The following PLEKHA8 variants were observed in gnomAD, a reference collection of about 807,000 sequenced individuals.
PLEKHA8 encodes pleckstrin homology domain containing A8.
PLEKHA8 carries 36 observed loss-of-function variants against 68.2 expected under a neutral mutation model. That is an observed-to-expected ratio of 0.53 (90% CI 0.40 to 0.70). The LOEUF is 0.70. Ranked by LOEUF, PLEKHA8 falls within the 30% of genes least tolerant of loss-of-function variation. The pLI is 0.00. For synonymous variants in PLEKHA8, 211 were observed against 216.1 expected, an observed-to-expected ratio of 0.98 and a Z score of 0.20; for missense variants, 505 against 615.4, an observed-to-expected ratio of 0.82 and a Z score of 1.90.
chr7:30,083,003 C>G lies in PLEKHA8; in HGVS notation c.*4216C>G. ...TTTAGTCACAGGTTTTACAAGTATT[C>G]AGCTCTCCCTCATGTTTCATTTCTT... On this transcript the variant is annotated 3_prime_UTR_variant, in exon 14 of 14. Transcript: ENST00000449726. The G allele has an allele frequency of 1.0e-6, 1 of 985,220 alleles. No homozygotes were observed. Among genetic ancestry groups the G allele is most frequent in the Non-Finnish European group, 1.2e-6 (1 of 829,774 alleles). 61.0% of individuals were successfully genotyped at this position (985,220 alleles called of 1,614,324 possible). A position where few individuals can be genotyped will look rare whatever the true frequency, so the allele number is the denominator to read the frequency against.
At chr7:30,059,380 T>C (rs879636962) in intron 9 of PLEKHA8, among the ~76,000 whole-genome samples, 5 of 152,258 alleles carry the variant, frequency 3.3e-5, no homozygotes, top group African/African-American at 7.2e-5. Context: ...ATGAGTTAAC[T>C]TCATAAAATG....
At chr7:30,048,511 T>C (rs1792143420) in intron 4 of PLEKHA8, among the ~76,000 whole-genome samples, 1 of 152,174 alleles carries the variant, frequency 6.6e-6, no homozygotes. Flanking sequence ...TCAGCAAGGA[T>C]TGTGATTTTT....
intron 5 of PLEKHA8, among the ~76,000 whole-genome samples, chr7:30,049,991 A>G (rs914324134): frequency 2.0e-5 from 3 of 152,220 alleles, no homozygotes; most frequent in African/African-American, 7.2e-5. Flanking sequence ...AGCCTCTCTT[A>G]TACATATTCC....
rs181988793 is a variant in PLEKHA8, at chr7:30,037,626, C to T, written c.41-7459C>T. On this transcript the variant is annotated intron_variant, in intron 1 of 13. Coordinates refer to ENST00000449726, the MANE Select transcript of PLEKHA8 (RefSeq NM_001197026.2). ...AACCTTTTCTTTCTCCCATTCTGTT[C>T]CCCCTTTATTATGGTCACTAATTTT... is the stretch of plus-strand genomic sequence containing the variant. Among the ~76,000 whole-genome samples the T allele has an allele frequency of 7.7e-3, 1,174 of 152,282 alleles. 11 individuals are homozygous for T. The highest frequency in any genetic ancestry group is 0.014 in the Middle Eastern group (4 of 292).
intron 13 of PLEKHA8, chr7:30,075,188 AGAATG>A (rs1794536660): frequency 6.6e-6 from 1 of 152,224 alleles, no homozygotes; most frequent in Non-Finnish European, 1.5e-5. Flanking sequence ...TAAAGTGGGA[AGAATG>A]TACACTACAA....
intron 1 of PLEKHA8, among the ~76,000 whole-genome samples, chr7:30,043,177 A>G (rs1212713758): frequency 6.6e-6 from 1 of 152,038 alleles, no homozygotes; most frequent in Non-Finnish European, 1.5e-5. Flanking sequence ...TTGTATTTTT[A>G]TTAGAGATGG....
At chr7:30,067,775 G>T (rs1381912261) in intron 12 of PLEKHA8, among the ~76,000 whole-genome samples, 1 of 152,160 alleles carries the variant, frequency 6.6e-6, no homozygotes, top group Non-Finnish European at 1.5e-5. Flanking sequence ...TCAGACTTTA[G>T]CCACTGTTGA....
At position 30,052,819 on chromosome 7, in the gene PLEKHA8, T is replaced by G. The variant is rs764315108; in HGVS notation, c.749T>G (p.Ile250Arg). 1 of 1,575,608 alleles carries G rather than the reference T, an allele frequency of 6.3e-7. No homozygotes were observed. The highest frequency in any genetic ancestry group is 2.3e-5 in the East Asian group (1 of 44,000). ...TCCTTATATTTGAAATCTGCAGAGATAGACTGCAGCATATCAAGTGAGGAA... is the reference window on the plus strand; with the variant it reads ...TCCTTATATTTGAAATCTGCAGAGAGAGACTGCAGCATATCAAGTGAGGAA... ...KNSLYLKSAEIDCSISSEENT... is the reference protein window; with the variant it reads ...KNSLYLKSAERDCSISSEENT... Residue 250 changes from isoleucine (I) to arginine (R), a missense_variant, in exon 7 of 14, where the codon ATA (isoleucine) becomes AGA (arginine). Ile to Arg is a moderately conservative substitution (Grantham distance 97, BLOSUM62 -3). Coordinates refer to ENST00000449726, the MANE Select transcript of PLEKHA8 (RefSeq NM_001197026.2).
chr7:30,055,433 T>G, intron 9 of PLEKHA8, 91 bp downstream of exon 9: 1 of 1,076,658 alleles, frequency 9.3e-7, no homozygotes, highest in Non-Finnish European at 1.4e-6. Flanking sequence ...AAACTATGTG[T>G]ACAGTGAGAT....
chr7:30,120,342 C>T (rs750202467), intron 13 of PLEKHA8, among the ~76,000 whole-genome samples: 23 of 152,078 alleles, frequency 1.5e-4, no homozygotes, highest in Non-Finnish European at 2.8e-4. Context: ...GGGAAAGTAA[C>T]GTACAAAAAA....
chr7:30,073,999 A>T (rs1483436778), intron 12 of PLEKHA8, 72 bp from the exon 13 acceptor site: 4 of 1,347,546 alleles, frequency 3.0e-6, no homozygotes, highest in East Asian at 4.7e-5. Flanking sequence ...AAAAAAAAAA[A>T]AAGTACATTA....
chr7:30,061,752 A>G (rs1793454392), intron 10 of PLEKHA8, 145 bp from the exon 11 acceptor site: 1 of 802,450 alleles, frequency 1.2e-6, no homozygotes. Context: ...AAATACTATC[A>G]TGAAAACATA....
At position 30,083,388 on chromosome 7, in the gene PLEKHA8, A is replaced by G; in HGVS notation, c.*4601A>G. On this transcript the variant is annotated 3_prime_UTR_variant, in exon 14 of 14. Coordinates refer to ENST00000449726, the MANE Select transcript of PLEKHA8 (RefSeq NM_001197026.2). ...GACTGTTTATCTGTATCACAACGTC[A>G]TTAGGAGTTCTTTCAACAATTCCAT... 1 of 983,916 alleles carries G rather than the reference A, an allele frequency of 1.0e-6. No homozygotes were observed. Among genetic ancestry groups the G allele is most frequent in the Non-Finnish European group, 1.2e-6 (1 of 828,554 alleles). 60.9% of individuals were successfully genotyped at this position (983,916 alleles called of 1,614,324 possible). A position where few individuals can be genotyped will look rare whatever the true frequency, so the allele number is the denominator to read the frequency against.
Position 30,080,751 on chromosome 7 carries a change from G to T in PLEKHA8, c.*1964G>T. 1 of 985,300 alleles carries T rather than the reference G, an allele frequency of 1.0e-6. No homozygotes were observed. Among genetic ancestry groups the T allele is most frequent in the Non-Finnish European group, 1.2e-6 (1 of 829,888 alleles). 61.0% of individuals were successfully genotyped at this position (985,300 alleles called of 1,614,324 possible). Reference sequence around the variant, plus strand: ...TATTTCCCTCCCACTCTCATGAGCAGTGAGTATAGATCTCCTTCTCTGATT... The same window carrying T: ...TATTTCCCTCCCACTCTCATGAGCATTGAGTATAGATCTCCTTCTCTGATT... On this transcript the variant is annotated 3_prime_UTR_variant, in exon 14 of 14. Coordinates refer to ENST00000449726, the MANE Select transcript of PLEKHA8 (RefSeq NM_001197026.2).
chr7:30,039,806 T>G (rs1380660150), intron 1 of PLEKHA8, among the ~76,000 whole-genome samples: 1 of 152,222 alleles, frequency 6.6e-6, no homozygotes, highest in African/African-American at 2.4e-5. Context: ...TCTAGATGTC[T>G]TTTATTTCAC....
intron 13 of PLEKHA8, among the ~76,000 whole-genome samples, chr7:30,103,099 C>A (rs1795910623): frequency 2.6e-5 from 4 of 151,998 alleles, no homozygotes; most frequent in Admixed American, 2.6e-4. Context: ...AGAGAGATTA[C>A]CAGGTGCTGG....
chr7:30,074,246 T>TTTGTGTG (rs1554277761), intron 13 of PLEKHA8, 114 bp downstream of exon 13: 3 of 488,436 alleles, frequency 6.1e-6, no homozygotes, highest in East Asian at 3.9e-5. Flanking sequence ...AGAAACAAAG[T>TTTGTGTG]TGTGTGTGTG....
chr7:30,087,278 G>A (rs1451296776), downstream of PLEKHA8, among the ~76,000 whole-genome samples: 7 of 152,098 alleles, frequency 4.6e-5, no homozygotes, highest in Non-Finnish European at 7.4e-5. Flanking sequence ...GTTACTGGGG[G>A]AAATGTGATG....
intron 8 of PLEKHA8, 145 bp downstream of exon 8, chr7:30,055,010 T>G: frequency 1.2e-6 from 1 of 864,188 alleles, no homozygotes. Flanking sequence ...TGTTTACTCT[T>G]TCTTACCAAT....
Sources: allele counts gnomAD v4.1 joint callset (sites outside exome capture counted in the v4.1 genomes callset), GRCh38; gene constraint gnomAD v4.1.1; transcripts MANE v1.5; gene names NCBI Gene and HGNC (gene_info 2026-07-23, HGNC 2026-07-21).